QTMAN: variants seen among roughly 807,000 people sequenced by gnomAD.
QTMAN encodes the protein queuosine-tRNA mannosyltransferase, also known as tRNA-queuosine alpha-mannosyltransferase.
chr2:143,963,513 T>C, the QTMAN span, among the ~76,000 whole-genome samples: 1 of 152,022 alleles, frequency 6.6e-6, no homozygotes, highest in African/African-American at 2.4e-5. Context: ...TTTAAATCTC[T>C]ATGGTACTCT....
At chr2:144,176,232 T>C in the QTMAN span, among the ~76,000 whole-genome samples, 5 of 152,294 alleles carry the variant, frequency 3.3e-5, no homozygotes, top group Non-Finnish European at 5.9e-5. Context: ...ATAAATTTCA[T>C]CATTTTAATA....
chr2:144,127,165 C>T, the QTMAN span, among the ~76,000 whole-genome samples: 2 of 151,926 alleles, frequency 1.3e-5, no homozygotes, highest in African/African-American at 4.8e-5. Context: ...GGTTTTCAAT[C>T]AGAGTCAAGT....
At chr2:144,318,791 A>G in the QTMAN span, among the ~76,000 whole-genome samples, 2 of 152,220 alleles carry the variant, frequency 1.3e-5, no homozygotes, top group East Asian at 1.9e-4. Flanking sequence ...TCTATGGTTT[A>G]TATCTAGGCT....
the QTMAN span, among the ~76,000 whole-genome samples, chr2:144,322,347 TTAAG>T: frequency 1.3e-5 from 2 of 152,186 alleles, no homozygotes; most frequent in African/African-American, 4.8e-5. Context: ...GAGAAAAAGT[TTAAG>T]TATTTATCAA....
the QTMAN span, among the ~76,000 whole-genome samples, chr2:144,321,522 T>C: frequency 2.6e-5 from 4 of 152,192 alleles, no homozygotes; most frequent in South Asian, 2.1e-4. Context: ...CAGTCATAAA[T>C]TGTAGATTGA....
At chr2:144,047,713 T>C in the QTMAN span, among the ~76,000 whole-genome samples, 1 of 152,256 alleles carries the variant, frequency 6.6e-6, no homozygotes, top group African/African-American at 2.4e-5. Flanking sequence ...CAAGAGTTTA[T>C]TATTCTTATC....
At chr2:144,068,411 G>T in the QTMAN span, among the ~76,000 whole-genome samples, 6 of 152,150 alleles carry the variant, frequency 3.9e-5, no homozygotes, top group Non-Finnish European at 5.9e-5. Flanking sequence ...GCCACTTTCT[G>T]AATGTAATTC....
chr2:144,305,690 G>A, the QTMAN span, among the ~76,000 whole-genome samples: 1 of 152,238 alleles, frequency 6.6e-6, no homozygotes, highest in Admixed American at 6.5e-5. Flanking sequence ...GGATAATACT[G>A]ACATCTTAAC....
At chr2:144,284,933 CTT>C in the QTMAN span, among the ~76,000 whole-genome samples, 49 of 128,346 alleles carry the variant, frequency 3.8e-4, no homozygotes, top group Admixed American at 4.0e-4. Context: ...GGAGGCCAAA[CTT>C]TTTTTTTTTT....
chr2:144,106,681 A>G, the QTMAN span, among the ~76,000 whole-genome samples: 9 of 152,334 alleles, frequency 5.9e-5, no homozygotes, highest in East Asian at 1.5e-3. Flanking sequence ...CCCACTGTCA[A>G]CATTAGACAG....
the QTMAN span, among the ~76,000 whole-genome samples, chr2:144,332,744 C>T: frequency 6.6e-6 from 1 of 152,056 alleles, no homozygotes; most frequent in Non-Finnish European, 1.5e-5. Context: ...CACCTGCCCA[C>T]TGTCCCCCGG....
At chr2:144,320,751 T>C in the QTMAN span, among the ~76,000 whole-genome samples, 1 of 152,230 alleles carries the variant, frequency 6.6e-6, no homozygotes, top group Non-Finnish European at 1.5e-5. Flanking sequence ...TTCTTTGAAC[T>C]ATGCCAGCTG....
chr2:144,204,012 C>T, the QTMAN span, among the ~76,000 whole-genome samples: 1 of 152,050 alleles, frequency 6.6e-6, no homozygotes, highest in East Asian at 1.9e-4. Context: ...GGATTAAAGA[C>T]TTAAATGTTA....
the QTMAN span, among the ~76,000 whole-genome samples, chr2:144,055,554 G>T: frequency 2.0e-5 from 3 of 152,100 alleles, 1 homozygote; most frequent in Admixed American, 6.6e-5. Context: ...AGGCATGAAG[G>T]TAATCGCGTG....
chr2:144,142,290 T>C, the QTMAN span, among the ~76,000 whole-genome samples: 21 of 151,860 alleles, frequency 1.4e-4, no homozygotes, highest in Middle Eastern at 3.2e-3. Flanking sequence ...AACAGGGAAA[T>C]AGAATGATTT....
the QTMAN span, among the ~76,000 whole-genome samples, chr2:144,256,868 T>TA: frequency 4.0e-5 from 6 of 151,588 alleles, no homozygotes; most frequent in African/African-American, 1.5e-4. Context: ...TCCCAGAACT[T>TA]AAAGTTAAAA....
the QTMAN span, among the ~76,000 whole-genome samples, chr2:144,293,254 GCAAGGC>G: frequency 6.6e-6 from 1 of 152,136 alleles, no homozygotes; most frequent in African/African-American, 2.4e-5. Context: ...ACAGATACAA[GCAAGGC>G]CATAGAGAAA....
chr2:143,943,110 T>C, the QTMAN span: 2 of 152,236 alleles, frequency 1.3e-5, no homozygotes, highest in African/African-American at 4.8e-5. Context: ...TAACCATTAT[T>C]GTAAGTTTGG....
chr2:144,102,009 A>C, the QTMAN span, among the ~76,000 whole-genome samples: 1 of 152,218 alleles, frequency 6.6e-6, no homozygotes, highest in East Asian at 1.9e-4. Flanking sequence ...TGTTTCCCAT[A>C]ATTTAATTCT....
Sources: gnomAD v4.1 joint callset for allele counts (sites outside exome capture counted in the v4.1 genomes callset) on GRCh38, gnomAD v4.1.1 for gene constraint, MANE v1.5 for transcripts, NCBI Gene and HGNC (gene_info 2026-07-23, HGNC 2026-07-21) for gene names.